The following RAP1GAP2 variants were observed in gnomAD, a reference collection of about 807,000 sequenced individuals.
The protein encoded by RAP1GAP2 is RAP1 GTPase activating protein 2.
RAP1GAP2 carries 27 observed loss-of-function variants against 95.0 expected under a neutral mutation model. The observed-to-expected ratio is 0.28, with a 90% CI of 0.21 to 0.39. The LOEUF is 0.39. RAP1GAP2 is among the 10% of genes least tolerant of loss of function. The pLI is 1.00. For missense variants in RAP1GAP2, 771 were observed against 970.0 expected (o/e 0.79, Z 2.72); for synonymous variants, 373 against 380.9 (o/e 0.98, Z 0.24).
At chr17:2,912,429 T>C (rs2042418489) in intron 3 of RAP1GAP2, among the ~76,000 whole-genome samples, 1 of 152,028 alleles carries the variant, frequency 6.6e-6, no homozygotes, top group African/African-American at 2.4e-5. Flanking sequence ...CTCATCAGGG[T>C]GGAGTGACAG....
chr17:2,967,233 T>C (rs943739003), intron 8 of RAP1GAP2, among the ~76,000 whole-genome samples: 1 of 151,768 alleles, frequency 6.6e-6, no homozygotes, highest in Non-Finnish European at 1.5e-5. Flanking sequence ...TAGCTGGGCG[T>C]GGTGGCGGGT....
intron 12 of RAP1GAP2, among the ~76,000 whole-genome samples, chr17:2,992,164 CTT>C (rs11454789): frequency 7.4e-5 from 10 of 134,690 alleles, no homozygotes; most frequent in Admixed American, 1.5e-4. Context: ...ACAGTCTATG[CTT>C]TTTTTTTTTT....
At chr17:3,011,881 T>C (rs1267213070) in intron 17 of RAP1GAP2, among the ~76,000 whole-genome samples, 1 of 151,734 alleles carries the variant, frequency 6.6e-6, no homozygotes, top group Non-Finnish European at 1.5e-5. Context: ...CCCAAAGTGC[T>C]GGGATTACAG....
At chr17:2,977,669 C>G (rs189284471) in intron 8 of RAP1GAP2, among the ~76,000 whole-genome samples, 1 of 150,094 alleles carries the variant, frequency 6.7e-6, no homozygotes, top group African/African-American at 2.4e-5. Context: ...TGCTTGAACC[C>G]GGGAGGCAGA....
intron 3 of RAP1GAP2, among the ~76,000 whole-genome samples, chr17:2,950,436 C>T (rs1382260293): frequency 1.3e-5 from 2 of 152,008 alleles, no homozygotes; most frequent in Non-Finnish European, 2.9e-5. Context: ...GCTGCTAGCC[C>T]ACCTCCAACA....
At chr17:2,952,701 A>T (rs1225703650) in intron 3 of RAP1GAP2, among the ~76,000 whole-genome samples, 1 of 152,090 alleles carries the variant, frequency 6.6e-6, no homozygotes, top group Admixed American at 6.6e-5. Flanking sequence ...TCTTACTGTG[A>T]TCTTAATTTC....
chr17:2,878,976 G>A (rs192769200), intron 2 of RAP1GAP2, among the ~76,000 whole-genome samples: 101 of 152,326 alleles, frequency 6.6e-4, no homozygotes, highest in African/African-American at 2.3e-3. Flanking sequence ...TGCTGAGCCC[G>A]GAGGCCGGCG....
chr17:2,911,135 T>C (rs1188928026), intron 3 of RAP1GAP2, among the ~76,000 whole-genome samples: 1 of 152,138 alleles, frequency 6.6e-6, no homozygotes, highest in Non-Finnish European at 1.5e-5. Flanking sequence ...GCTGGAGCAG[T>C]AGCTGGCCTC....
chr17:2,911,793 C>T (rs1159612897), intron 3 of RAP1GAP2, among the ~76,000 whole-genome samples: 2 of 152,126 alleles, frequency 1.3e-5, no homozygotes, highest in East Asian at 3.9e-4. Flanking sequence ...CTTCCCAGGC[C>T]CCGTGAAGTA....
At chr17:2,861,102 A>G (rs760569699) in intron 2 of RAP1GAP2, among the ~76,000 whole-genome samples, 34 of 152,034 alleles carry the variant, frequency 2.2e-4, no homozygotes, top group Non-Finnish European at 4.1e-4. Context: ...CCTGCTGTTT[A>G]CAGTGAGCTC....
At chr17:2,946,483 G>A (rs1017762905) in intron 3 of RAP1GAP2, among the ~76,000 whole-genome samples, 7 of 152,052 alleles carry the variant, frequency 4.6e-5, no homozygotes, top group South Asian at 2.1e-4. Flanking sequence ...TGCTTGCCTC[G>A]TGCCTGAAGT....
intron 2 of RAP1GAP2, among the ~76,000 whole-genome samples, chr17:2,824,537 G>A (rs1386420121): frequency 6.6e-6 from 1 of 151,412 alleles, no homozygotes; most frequent in Non-Finnish European, 1.5e-5. Flanking sequence ...GAGGTCAGGA[G>A]TTCGAGACCA....
intron 12 of RAP1GAP2, among the ~76,000 whole-genome samples, chr17:2,991,967 T>C (rs1290099496): frequency 1.3e-5 from 2 of 151,922 alleles, no homozygotes; most frequent in Non-Finnish European, 2.9e-5. Context: ...GGTTTCGCCA[T>C]GTTGCCCAGG....
intron 2 of RAP1GAP2, among the ~76,000 whole-genome samples, chr17:2,807,984 C>G (rs1444697886): frequency 6.6e-6 from 1 of 152,210 alleles, no homozygotes; most frequent in East Asian, 1.9e-4. Flanking sequence ...GAAGTTCGCA[C>G]TGTTTCCAGC....
At chr17:2,921,708 T>G (rs78054706) in intron 3 of RAP1GAP2, among the ~76,000 whole-genome samples, 842 of 44,598 alleles carry the variant, frequency 0.019, 11 homozygotes, top group African/African-American at 0.16. Context: ...AGGGCCGTTA[T>G]GTGTCCACAG....
intron 2 of RAP1GAP2, among the ~76,000 whole-genome samples, chr17:2,860,444 CTA>C (rs111448564): frequency 0.15 from 23,135 of 151,904 alleles, 1,884 homozygotes; most frequent in East Asian, 0.24. Context: ...TCCTGAGCCA[CTA>C]TTTTAATCTC....
chr17:2,809,924 T>G (rs1299570164), intron 2 of RAP1GAP2, among the ~76,000 whole-genome samples: 25 of 151,804 alleles, frequency 1.6e-4, no homozygotes, highest in Admixed American at 1.6e-3. Flanking sequence ...TCTATCCCCT[T>G]CCTCCCGCTG....
At chr17:2,937,146 A>G (rs2043331033) in intron 3 of RAP1GAP2, among the ~76,000 whole-genome samples, 1 of 152,142 alleles carries the variant, frequency 6.6e-6, no homozygotes, top group Non-Finnish European at 1.5e-5. Context: ...CCTCCAAGTT[A>G]AGACCTAAAG....
intron 1 of RAP1GAP2, among the ~76,000 whole-genome samples, chr17:2,781,587 G>T (rs62067072): frequency 0.057 from 5,436 of 95,320 alleles, 95 homozygotes; most frequent in Middle Eastern, 0.08. Context: ...TCTCTGTGTG[G>T]GCACGTCTCT....
Sources: allele counts gnomAD v4.1 joint callset (sites outside exome capture counted in the v4.1 genomes callset), GRCh38; gene constraint gnomAD v4.1.1; transcripts MANE v1.5; gene names NCBI Gene and HGNC (gene_info 2026-07-23, HGNC 2026-07-21).